Variants in DLG2 observed in about 807,000 individuals in gnomAD.
DLG2 encodes the protein disks large homolog 2.
In DLG2, 45 loss-of-function variants were observed where a neutral mutation model predicts 132.5. The observed-to-expected ratio is 0.34, with a 90% confidence interval of 0.27 to 0.44. The LOEUF is 0.44. DLG2 is among the 20% of genes least tolerant of loss of function. DLG2 has a pLI of 1.00. For missense variants in DLG2, 1,045 were observed against 1,196.9 expected (o/e 0.87, Z 1.87); for synonymous variants, 424 against 419.6 (o/e 1.01, Z -0.13).
chr11:83,574,634 A>G (rs1188624288), intron 19 of DLG2, among the ~76,000 whole-genome samples: 1 of 152,180 alleles, frequency 6.6e-6, no homozygotes, highest in Non-Finnish European at 1.5e-5. Flanking sequence ...CCTGAGCTGA[A>G]CCAAACTCTT....
intron 12 of DLG2, among the ~76,000 whole-genome samples, chr11:83,966,668 A>G (rs34310426): frequency 0.043 from 6,474 of 152,178 alleles, 199 homozygotes; most frequent in Non-Finnish European, 0.068. Context: ...ATGATGTTAT[A>G]TCACACATAT....
intron 7 of DLG2, among the ~76,000 whole-genome samples, chr11:84,297,825 T>G (rs1008176848): frequency 6.6e-6 from 1 of 152,022 alleles, no homozygotes; most frequent in East Asian, 1.9e-4. Flanking sequence ...CACACTAGCC[T>G]TCTTCTATTA....
intron 6 of DLG2, among the ~76,000 whole-genome samples, chr11:84,949,241 G>A (rs749135902): frequency 2.0e-5 from 3 of 152,076 alleles, no homozygotes; most frequent in East Asian, 1.9e-4. Flanking sequence ...GGGAGTGTGC[G>A]AATAGGTGTG....
At chr11:85,300,715 A>T (rs984624305) in intron 3 of DLG2, among the ~76,000 whole-genome samples, 1 of 152,174 alleles carries the variant, frequency 6.6e-6, no homozygotes, top group Non-Finnish European at 1.5e-5. Context: ...CCTAAAGAAT[A>T]TAGGGTATAA....
chr11:83,888,070 G>A (rs11518749), intron 15 of DLG2, among the ~76,000 whole-genome samples: 49,973 of 134,644 alleles, frequency 0.37, 9,891 homozygotes, highest in South Asian at 0.52. Flanking sequence ...CACCACTCCT[G>A]TTCAACACAG....
At chr11:85,339,848 C>T (rs1375657473) in intron 3 of DLG2, among the ~76,000 whole-genome samples, 1 of 152,116 alleles carries the variant, frequency 6.6e-6, no homozygotes, top group Non-Finnish European at 1.5e-5. Flanking sequence ...AGACACTTCT[C>T]AAAAGAAGAC....
chr11:84,720,147 C>T lies in DLG2; in HGVS notation c.358-185416G>A, dbSNP rs767182497. On this transcript the variant is annotated intron_variant, in intron 6 of 27. Coordinates refer to ENST00000376104, the MANE Select transcript of DLG2 (RefSeq NM_001142699.3). ...CCAGAAAATCAGTGCGATCTCTTGGCCCCCAAACCCAGCTGGCTCCCAGAA... is the reference window on the plus strand; with the variant it reads ...CCAGAAAATCAGTGCGATCTCTTGGTCCCCAAACCCAGCTGGCTCCCAGAA... 1.4e-4 allele frequency: 75 copies of T among 522,050 alleles called. No homozygotes were observed. The Middle Eastern group carries it at 3.0e-3, about 21-fold the overall frequency. 32.3% of individuals were successfully genotyped at this position (522,050 alleles called of 1,614,324 possible).
At chr11:84,934,546 T>TTTTTTTTTTTTTTTTTTTTTTTTTTG (rs1183459468) in intron 6 of DLG2, among the ~76,000 whole-genome samples, 2 of 128,724 alleles carry the variant, frequency 1.6e-5, no homozygotes, top group Non-Finnish European at 3.2e-5. Flanking sequence ...TTTTTTTTTT[T>TTTTTTTTTTTTTTTTTTTTTTTTTTG]GGTGGGTAGG....
At chr11:84,128,466 G>T (rs909843460) in intron 9 of DLG2, among the ~76,000 whole-genome samples, 27 of 152,046 alleles carry the variant, frequency 1.8e-4, no homozygotes, top group African/African-American at 6.0e-4. Context: ...ATTACCTACA[G>T]ATTTACCAAA....
chr11:84,321,400 C>A (rs776507638), intron 7 of DLG2, among the ~76,000 whole-genome samples: 5 of 152,116 alleles, frequency 3.3e-5, no homozygotes, highest in African/African-American at 1.2e-4. Flanking sequence ...GTCAGTTAAA[C>A]GTCATTTTCT....
intron 19 of DLG2, among the ~76,000 whole-genome samples, chr11:83,601,029 T>G (rs543900343): frequency 6.6e-6 from 1 of 152,358 alleles, no homozygotes; most frequent in South Asian, 2.1e-4. Context: ...GCTGTGCTAT[T>G]ACTTAGTGTA....
chr11:84,875,386 A>T (rs1005013804), intron 6 of DLG2, among the ~76,000 whole-genome samples: 4 of 152,162 alleles, frequency 2.6e-5, no homozygotes, highest in Non-Finnish European at 5.9e-5. Flanking sequence ...GAATGTTTAA[A>T]ATAAGGGTAC....
intron 7 of DLG2, among the ~76,000 whole-genome samples, chr11:84,339,389 A>G (rs2098503656): frequency 1.3e-5 from 2 of 152,216 alleles, no homozygotes; most frequent in South Asian, 4.1e-4. Context: ...TAAAGCTGAG[A>G]TCTAGAAAGG....
chr11:84,514,322 C>T (rs1320004960), intron 7 of DLG2, among the ~76,000 whole-genome samples: 2 of 152,020 alleles, frequency 1.3e-5, no homozygotes, highest in African/African-American at 2.4e-5. Flanking sequence ...ACCACACGAT[C>T]TAGCAATCCC....
At chr11:84,055,628 C>T (rs368966151) in intron 11 of DLG2, among the ~76,000 whole-genome samples, 28 of 152,160 alleles carry the variant, frequency 1.8e-4, no homozygotes, top group South Asian at 1.0e-3. Context: ...GGGATGCTCT[C>T]GAGACCCCAT....
intron 15 of DLG2, among the ~76,000 whole-genome samples, chr11:83,902,522 A>C (rs7933528): frequency 2.0e-5 from 3 of 152,142 alleles, no homozygotes; most frequent in African/African-American, 4.8e-5. Flanking sequence ...CAGAATGATA[A>C]GTGATTTTAA....
In DLG2 at chr11:85,432,572, G is replaced by GA. The variant is rs1247302988; in HGVS notation, c.41-147208dup. On this transcript the variant is annotated intron_variant, in intron 3 of 27. Transcript: ENST00000376104. ...TATCAGTAGCCAAATTGATCAAGCA[G>GA]AAAAAAGAGTATCAGAGATGGAATA... is the stretch of plus-strand genomic sequence containing the variant. 2.6e-5 allele frequency among the ~76,000 whole-genome samples: 4 copies of GA among 151,832 alleles called. No homozygotes were observed. The East Asian group carries it at 5.8e-4, about 22-fold the overall frequency.
chr11:84,165,082 T>C (rs2095631672), intron 8 of DLG2, among the ~76,000 whole-genome samples: 1 of 152,188 alleles, frequency 6.6e-6, no homozygotes, highest in Admixed American at 6.5e-5. Context: ...CTTTGATGGA[T>C]AGGAAGAGGA....
At chr11:83,692,054 G>A (rs2081092608) in intron 18 of DLG2, 1 of 152,194 alleles carries the variant, frequency 6.6e-6, no homozygotes, top group Non-Finnish European at 1.5e-5. Flanking sequence ...GAACTAAGCA[G>A]TGTATATTTT....
Sources: gnomAD v4.1 joint callset for allele counts (sites outside exome capture counted in the v4.1 genomes callset) on GRCh38, gnomAD v4.1.1 for gene constraint, MANE v1.5 for transcripts, NCBI Gene and HGNC (gene_info 2026-07-23, HGNC 2026-07-21) for gene names.